Variants in TLN2 observed in about 807,000 individuals in gnomAD.
TLN2 encodes talin-2.
A neutral mutation model predicts 294.7 loss-of-function variants in TLN2; 118 were observed. That is an observed-to-expected ratio of 0.40 (90% CI 0.34 to 0.47). The LOEUF (loss-of-function observed/expected upper bound fraction) is 0.47, where lower values mean the gene tolerates loss of function less well. Ranked by LOEUF, TLN2 falls within the 20% of genes least tolerant of loss-of-function variation. The pLI is 0.84. For synonymous variants in TLN2, 1,431 were observed against 1,304.5 expected (o/e 1.10, Z -2.09); for missense variants, 3,083 against 3,282.2 (o/e 0.94, Z 1.48).
intron 2 of TLN2, among the ~76,000 whole-genome samples, chr15:62,604,502 G>A (rs571976283): frequency 4.6e-4 from 67 of 146,588 alleles, no homozygotes; most frequent in Non-Finnish European, 8.2e-4. Flanking sequence ...TCCAGCCTGG[G>A]TGACAAAGTG....
chr15:62,615,171 G>T (rs1184187455), intron 2 of TLN2, among the ~76,000 whole-genome samples: 3 of 152,160 alleles, frequency 2.0e-5, no homozygotes, highest in Non-Finnish European at 4.4e-5. Context: ...CTGAGAACAG[G>T]CTTCTTTATA....
intron 22 of TLN2, among the ~76,000 whole-genome samples, chr15:62,712,346 G>T (rs571520366): frequency 5.9e-5 from 9 of 152,270 alleles, no homozygotes; most frequent in Non-Finnish European, 1.2e-4. Context: ...ATCACTGTTG[G>T]CTTCATTCAA....
chr15:62,812,732 A>T (rs534573533), intron 52 of TLN2, among the ~76,000 whole-genome samples: 1 of 152,204 alleles, frequency 6.6e-6, no homozygotes, highest in South Asian at 2.1e-4. Context: ...TCCCCTCTCC[A>T]TGCCCACCTC....
intron 33 of TLN2, among the ~76,000 whole-genome samples, chr15:62,749,815 C>T (rs1595874651): frequency 6.6e-6 from 1 of 152,310 alleles, no homozygotes; most frequent in South Asian, 2.1e-4. Flanking sequence ...CTTAGAGACA[C>T]AGAGCCAGGC....
intron 1 of TLN2, among the ~76,000 whole-genome samples, chr15:62,427,718 G>A (rs934778606): frequency 3.3e-5 from 5 of 152,158 alleles, no homozygotes; most frequent in Non-Finnish European, 5.9e-5. Flanking sequence ...GCAGTTGGCA[G>A]TTTCTGCTCC....
intron 27 of TLN2, among the ~76,000 whole-genome samples, chr15:62,725,835 A>C (rs1462256419): frequency 6.6e-6 from 1 of 152,114 alleles, no homozygotes; most frequent in Non-Finnish European, 1.5e-5. Context: ...GATTTGCAGG[A>C]CTCTAAAACC....
At chr15:62,708,429 G>A (rs947369401) in intron 20 of TLN2, 73 bp from the exon 21 acceptor site, 3 of 1,516,022 alleles carry the variant, frequency 2.0e-6, no homozygotes, top group Non-Finnish European at 2.7e-6. Flanking sequence ...GGCTTTGATG[G>A]GACTGCGGGG....
intron 1 of TLN2, among the ~76,000 whole-genome samples, chr15:62,554,403 C>T (rs2042491265): frequency 1.3e-5 from 2 of 150,058 alleles, no homozygotes; most frequent in East Asian, 1.9e-4. Flanking sequence ...GTTTTAAGCC[C>T]TATTTATACC....
intron 12 of TLN2, among the ~76,000 whole-genome samples, chr15:62,691,199 A>C (rs1488631148): frequency 6.6e-6 from 1 of 151,872 alleles, no homozygotes; most frequent in Non-Finnish European, 1.5e-5. Flanking sequence ...TTTATCCAAC[A>C]CTGTCCTCTC....
chr15:62,699,207 GAAGATGCAATGATCTAAT>G (rs1567389933), intron 16 of TLN2, among the ~76,000 whole-genome samples: 1 of 152,132 alleles, frequency 6.6e-6, no homozygotes, highest in Non-Finnish European at 1.5e-5. Context: ...GAGTTGTTAT[GAAGATGCAATGATCTAAT>G]CACCTGTAGA....
At chr15:62,449,292 C>T (rs1302849908) in intron 1 of TLN2, among the ~76,000 whole-genome samples, 1 of 152,102 alleles carries the variant, frequency 6.6e-6, no homozygotes, top group Non-Finnish European at 1.5e-5. Context: ...CTGCATGACC[C>T]AGATCTTTTG....
At chr15:62,522,971 C>G (rs868830666) in intron 1 of TLN2, among the ~76,000 whole-genome samples, 1 of 142,398 alleles carries the variant, frequency 7.0e-6, no homozygotes, top group Non-Finnish European at 1.5e-5. Flanking sequence ...CACACACACA[C>G]ACACACACTC....
chr15:62,806,498 G>T (rs1274613291), intron 51 of TLN2, among the ~76,000 whole-genome samples: 1 of 152,184 alleles, frequency 6.6e-6, no homozygotes, highest in East Asian at 1.9e-4. Flanking sequence ...GAGAGGTGTT[G>T]CCATCCCTGG....
intron 1 of TLN2, among the ~76,000 whole-genome samples, chr15:62,399,328 G>A (rs1160750700): frequency 1.3e-5 from 2 of 149,080 alleles, no homozygotes; most frequent in East Asian, 2.0e-4. Flanking sequence ...TGCTGCAGGA[G>A]CGGAGCCCTC....
chr15:62,746,805 A>G (rs1165363582), intron 32 of TLN2, among the ~76,000 whole-genome samples: 3 of 152,200 alleles, frequency 2.0e-5, no homozygotes, highest in Non-Finnish European at 4.4e-5. Flanking sequence ...CACTGCAGGA[A>G]AGAATTATGT....
chr15:62,729,893 T>G (rs2060626348), intron 28 of TLN2, among the ~76,000 whole-genome samples: 1 of 152,174 alleles, frequency 6.6e-6, no homozygotes, highest in Non-Finnish European at 1.5e-5. Context: ...TCTTGATTAG[T>G]TAGTTGTACA....
At chr15:62,648,698 C>A (rs2052225434) in intron 4 of TLN2, among the ~76,000 whole-genome samples, 3 of 151,876 alleles carry the variant, frequency 2.0e-5, no homozygotes, top group Non-Finnish European at 4.4e-5. Context: ...CAGGTGCACA[C>A]CACCATACCC....
In TLN2 at chr15:62,694,449, T is replaced by C. The variant is rs1182004791; in HGVS notation, c.1292+57T>C. The C allele has an allele frequency of 2.7e-6, 4 of 1,473,380 alleles. No homozygotes were observed. The African/African-American group carries it at 4.2e-5, about 15-fold the overall frequency. 91.3% of individuals were successfully genotyped at this position (1,473,380 alleles called of 1,614,324 possible). ...CTTCTCCCTAGATAGGTAGGTTTCC[T>C]CTTGCCAGCTTGGAGCCTGCTGCTC... On this transcript the variant is annotated intron_variant, in intron 14 of 58. Coordinates refer to ENST00000636159, the MANE Select transcript of TLN2 (RefSeq NM_015059.3).
intron 22 of TLN2, among the ~76,000 whole-genome samples, chr15:62,713,900 A>ATG (rs2059590066): frequency 9.5e-6 from 1 of 105,400 alleles, no homozygotes; most frequent in Admixed American, 1.0e-4. Context: ...TTTAAGCCAT[A>ATG]TATATATATA....
Sources: gnomAD v4.1 joint callset for allele counts (sites outside exome capture counted in the v4.1 genomes callset) on GRCh38, gnomAD v4.1.1 for gene constraint, MANE v1.5 for transcripts, NCBI Gene and HGNC (gene_info 2026-07-23, HGNC 2026-07-21) for gene names.